Variants in FBXO4 observed in about 807,000 individuals in gnomAD.
FBXO4 encodes F-box only protein 4.
FBXO4 carries 36 observed loss-of-function variants against 43.7 expected under a neutral mutation model. The observed-to-expected ratio is 0.82, with a 90% CI of 0.63 to 1.09. FBXO4 has a LOEUF of 1.09. Ranked by LOEUF, FBXO4 falls within the 50% of genes least tolerant of loss-of-function variation. The pLI is 0.00. For missense variants in FBXO4, 435 were observed against 474.1 expected, an observed-to-expected ratio of 0.92 and a Z score of 0.77; for synonymous variants, 180 against 165.6, an observed-to-expected ratio of 1.09 and a Z score of -0.67.
the FBXO4 span, among the ~76,000 whole-genome samples, chr5:41,952,978 C>T: frequency 2.6e-5 from 4 of 151,172 alleles, no homozygotes; most frequent in Non-Finnish European, 4.4e-5. Flanking sequence ...TTTGTGAATG[C>T]TTTCATTGAT....
At chr5:42,010,356 A>G in the FBXO4 span, among the ~76,000 whole-genome samples, 3 of 152,104 alleles carry the variant, frequency 2.0e-5, no homozygotes, top group South Asian at 2.1e-4. Flanking sequence ...AAGAAAAAAA[A>G]ACTTAGCCGG....
chr5:41,942,687 C>T (rs1028149313), downstream of FBXO4, among the ~76,000 whole-genome samples: 9 of 151,970 alleles, frequency 5.9e-5, no homozygotes, highest in African/African-American at 1.4e-4. Flanking sequence ...TGAAATTTAT[C>T]TCTCTTATAT....
At chr5:42,026,853 T>C in the FBXO4 span, among the ~76,000 whole-genome samples, 1 of 152,112 alleles carries the variant, frequency 6.6e-6, no homozygotes, top group Non-Finnish European at 1.5e-5. Context: ...TTACACTGAT[T>C]GACTTGCATA....
the FBXO4 span, among the ~76,000 whole-genome samples, chr5:41,977,917 C>G: frequency 6.6e-6 from 1 of 152,342 alleles, no homozygotes; most frequent in East Asian, 1.9e-4. Flanking sequence ...CAATGCCCCA[C>G]TTCTGGCACT....
chr5:41,974,042 C>T, the FBXO4 span, among the ~76,000 whole-genome samples: 4 of 152,222 alleles, frequency 2.6e-5, no homozygotes, highest in African/African-American at 7.2e-5. Flanking sequence ...CACTGTAAAG[C>T]TAGACTAGTG....
the FBXO4 span, among the ~76,000 whole-genome samples, chr5:41,974,392 C>G: frequency 6.6e-6 from 1 of 152,006 alleles, no homozygotes; most frequent in African/African-American, 2.4e-5. Context: ...CTTGGATGCT[C>G]TCTTCTTGTT....
chr5:42,031,201 A>G, the FBXO4 span, among the ~76,000 whole-genome samples: 24 of 152,326 alleles, frequency 1.6e-4, no homozygotes, highest in South Asian at 5.0e-3. Flanking sequence ...AAGACTTGGA[A>G]CCAACCTAAA....
chr5:41,969,532 G>C, the FBXO4 span, among the ~76,000 whole-genome samples: 1 of 151,930 alleles, frequency 6.6e-6, no homozygotes, highest in African/African-American at 2.4e-5. Context: ...TATAATATTT[G>C]GCTATATCAT....
chr5:41,951,753 C>A, the FBXO4 span: 2 of 213,910 alleles, frequency 9.3e-6, no homozygotes, highest in South Asian at 7.6e-5. Flanking sequence ...CCTGTGTGAC[C>A]TAGAGCAATG....
At chr5:42,013,569 C>A in the FBXO4 span, among the ~76,000 whole-genome samples, 1 of 152,208 alleles carries the variant, frequency 6.6e-6, no homozygotes, top group Non-Finnish European at 1.5e-5. Context: ...GGTTTTCCTT[C>A]ATTATGACCC....
At position 41,934,020 on chromosome 5, in the gene FBXO4, A is replaced by G. The variant is rs751149174; in HGVS notation, c.721A>G (p.Arg241Gly). 1 of 1,613,576 alleles carries G rather than the reference A, an allele frequency of 6.2e-7. No individual in the cohort carries two copies. Among genetic ancestry groups the G allele is most frequent in the African/African-American group, 1.3e-5 (1 of 75,056 alleles). The change falls in exon 4 of 7, where the codon AGA becomes GGA. Residue 241 changes from arginine to glycine, a missense_variant and splice_region_variant. Transcript: ENST00000281623. ...CATTCTAATCTTATATTCAACTACC[A>G]GGTAAGGCTACATACTTGGTGGCTT... is the stretch of plus-strand genomic sequence containing the variant. Reference protein sequence around the residue: ...FNILILYSTTRKERDRAREEH... With the variant: ...FNILILYSTTGKERDRAREEH...
chr5:42,030,862 C>T, the FBXO4 span, among the ~76,000 whole-genome samples: 2 of 152,152 alleles, frequency 1.3e-5, no homozygotes, highest in Admixed American at 6.5e-5. Context: ...AAAAAATCCT[C>T]ATTGTCACTG....
At chr5:42,025,181 T>C in the FBXO4 span, among the ~76,000 whole-genome samples, 1 of 151,912 alleles carries the variant, frequency 6.6e-6, no homozygotes, top group Non-Finnish European at 1.5e-5. Flanking sequence ...TAATAGTGGA[T>C]AGGGTTCCCT....
At chr5:41,999,492 T>TATATATAC in the FBXO4 span, among the ~76,000 whole-genome samples, 7 of 52,664 alleles carry the variant, frequency 1.3e-4, no homozygotes, top group South Asian at 3.2e-3. Context: ...TATATATATA[T>TATATATAC]ACATATATAT....
chr5:41,985,490 T>G, the FBXO4 span, among the ~76,000 whole-genome samples: 330 of 152,266 alleles, frequency 2.2e-3, no homozygotes, highest in African/African-American at 7.6e-3. Context: ...TCTTTATAAT[T>G]ACTAAGGGAT....
chr5:41,953,773 C>T, the FBXO4 span, among the ~76,000 whole-genome samples: 1 of 150,814 alleles, frequency 6.6e-6, no homozygotes, highest in Non-Finnish European at 1.5e-5. Flanking sequence ...TTTCATGTGT[C>T]TTTTGGCTGC....
intron 5 of FBXO4, among the ~76,000 whole-genome samples, chr5:41,936,440 A>G (rs4957178): frequency 0.12 from 18,688 of 152,058 alleles, 1,839 homozygotes; most frequent in African/African-American, 0.27. Flanking sequence ...AGGCTGAGGC[A>G]GGAGAATCGC....
At chr5:41,956,781 C>T in the FBXO4 span, among the ~76,000 whole-genome samples, 1 of 149,016 alleles carries the variant, frequency 6.7e-6, no homozygotes, top group East Asian at 2.0e-4. Flanking sequence ...GGCGAGATCT[C>T]AGCCCATTGC....
chr5:41,949,067 A>G, the FBXO4 span, among the ~76,000 whole-genome samples: 1 of 152,212 alleles, frequency 6.6e-6, no homozygotes, highest in Non-Finnish European at 1.5e-5. Context: ...CATATCTCAA[A>G]ATAATAAGAG....
Sources: gnomAD v4.1 joint callset for allele counts (sites outside exome capture counted in the v4.1 genomes callset) on GRCh38, gnomAD v4.1.1 for gene constraint, MANE v1.5 for transcripts, NCBI Gene and HGNC (gene_info 2026-07-23, HGNC 2026-07-21) for gene names.